TENM3: variants seen among roughly 807,000 people sequenced by gnomAD.
TENM3 encodes the protein teneurin-3.
A neutral mutation model predicts 255.1 loss-of-function variants in TENM3; 63 were observed. The observed-to-expected ratio is 0.25, with a 90% CI of 0.20 to 0.30. The LOEUF (loss-of-function observed/expected upper bound fraction) is 0.30. TENM3 is among the 10% of genes least tolerant of loss of function. The pLI, the probability that TENM3 is intolerant of heterozygous loss-of-function variation, is 1.00. For missense variants in TENM3, 2,929 were observed against 3,461.1 expected (o/e 0.85, Z 3.86); for synonymous variants, 1,306 against 1,322.3 (o/e 0.99, Z 0.27).
intron 13 of TENM3, among the ~76,000 whole-genome samples, chr4:182,724,790 A>G (rs1760034763): frequency 6.6e-6 from 1 of 152,202 alleles, no homozygotes; most frequent in Non-Finnish European, 1.5e-5. Context: ...ATGGAGAAAA[A>G]TATAATATTT....
At chr4:181,781,350 T>C in the TENM3 span, among the ~76,000 whole-genome samples, 1 of 152,166 alleles carries the variant, frequency 6.6e-6, no homozygotes, top group Non-Finnish European at 1.5e-5. Flanking sequence ...CCCTTGTAAG[T>C]TGGATTCCTA....
At chr4:181,450,859 A>G in the TENM3 span, among the ~76,000 whole-genome samples, 1 of 152,196 alleles carries the variant, frequency 6.6e-6, no homozygotes, top group Non-Finnish European at 1.5e-5. Flanking sequence ...GCTATAATTG[A>G]TCTGAATGAT....
chr4:181,985,164 A>G, the TENM3 span, among the ~76,000 whole-genome samples: 399 of 152,124 alleles, frequency 2.6e-3, no homozygotes, highest in African/African-American at 9.0e-3. Flanking sequence ...AAATTTCATG[A>G]GAAAAAGAAT....
chr4:182,731,096 T>A lies in TENM3; in HGVS notation c.2924T>A (p.Phe975Tyr). ...GTGTCATCACCTTTATCCACCTTTT[T>A]CAGATCTTCTCCTGAAGACAGTCCC... ...IIVSSPLSTF[F>Y]RSSPEDSPII... The change falls in exon 16 of 28, where the codon TTC (phenylalanine) becomes TAC (tyrosine). Residue 975 changes from phenylalanine (F) to tyrosine (Y), a missense_variant. Phe to Tyr is a conservative substitution (Grantham distance 22). Coordinates refer to ENST00000511685, the MANE Select transcript of TENM3 (RefSeq NM_001080477.4). The A allele has an allele frequency of 1.2e-6, 2 of 1,613,970 alleles. No homozygotes were observed. Among genetic ancestry groups the A allele is most frequent in the Non-Finnish European group, 1.7e-6 (2 of 1,179,866 alleles).
intron 18 of TENM3, among the ~76,000 whole-genome samples, chr4:182,740,347 T>A (rs1033365611): frequency 6.6e-6 from 1 of 152,214 alleles, no homozygotes; most frequent in Non-Finnish European, 1.5e-5. Context: ...ATCAGTGGTG[T>A]CTGAAGCAGT....
At chr4:182,106,355 G>T in the TENM3 span, among the ~76,000 whole-genome samples, 27,910 of 152,156 alleles carry the variant, frequency 0.18, 2,631 homozygotes, top group Non-Finnish European at 0.21. Flanking sequence ...TAGCTATTCA[G>T]GAGGCTGAGG....
chr4:181,714,850 T>C, the TENM3 span, among the ~76,000 whole-genome samples: 3 of 152,210 alleles, frequency 2.0e-5, no homozygotes, highest in African/African-American at 7.2e-5. Context: ...TAAAATATAT[T>C]TATTGCCTGT....
chr4:182,387,789 C>T (rs770908619), intron 3 of TENM3, among the ~76,000 whole-genome samples: 1 of 151,996 alleles, frequency 6.6e-6, no homozygotes, highest in Non-Finnish European at 1.5e-5. Flanking sequence ...CACATCCGAA[C>T]ATCAGAAGGG....
At chr4:182,350,643 G>A (rs751644900) in intron 3 of TENM3, among the ~76,000 whole-genome samples, 27 of 152,118 alleles carry the variant, frequency 1.8e-4, no homozygotes, top group Non-Finnish European at 2.4e-4. Context: ...GTGTGCTCTG[G>A]TTTATTGTAG....
At chr4:182,397,492 A>T (rs1768924713) in intron 3 of TENM3, among the ~76,000 whole-genome samples, 1 of 151,448 alleles carries the variant, frequency 6.6e-6, no homozygotes, top group African/African-American at 2.4e-5. Context: ...AGGAGGAGAC[A>T]GCATAATTGA....
intron 4 of TENM3, 127 bp downstream of exon 4, chr4:182,601,288 T>A: frequency 1.3e-6 from 1 of 744,706 alleles, no homozygotes; most frequent in Middle Eastern, 2.5e-4. Flanking sequence ...TTTTCTTCTC[T>A]AAGAAGCAGT....
At chr4:182,487,897 T>C (rs1413474426) in intron 3 of TENM3, among the ~76,000 whole-genome samples, 2 of 152,160 alleles carry the variant, frequency 1.3e-5, no homozygotes, top group African/African-American at 4.8e-5. Flanking sequence ...AAACAGAGCC[T>C]TTAAATGGTT....
chr4:181,790,906 C>T, the TENM3 span, among the ~76,000 whole-genome samples: 1 of 152,176 alleles, frequency 6.6e-6, no homozygotes, highest in Admixed American at 6.5e-5. Flanking sequence ...TGTGCCAGAT[C>T]CCCTACTTAG....
At position 182,679,671 on chromosome 4, in the gene TENM3, C is replaced by T. The variant is rs1561096864; in HGVS notation, c.1332C>T (p.Asp444=). 2.5e-6 allele frequency: 4 copies of T among 1,611,992 alleles called. No individual in the cohort carries two copies. The highest frequency in any genetic ancestry group is 3.4e-6 in the Non-Finnish European group (4 of 1,179,388). The change falls in exon 8 of 28, where the codon GAC becomes GAT. Residue 444 remains aspartate, a synonymous_variant. Coordinates refer to ENST00000511685, the MANE Select transcript of TENM3 (RefSeq NM_001080477.4). ...KGLPPSHTQY[D]FVELLDGSRL... ...TTTCCTCGTCCTCCCCCCAGTATGA[C>T]TTCGTGGAGCTCCTGGATGGCAGCA...
the TENM3 span, among the ~76,000 whole-genome samples, chr4:181,849,949 T>TCTCACACACACA: frequency 1.1e-4 from 7 of 65,948 alleles, no homozygotes; most frequent in African/African-American, 2.6e-4. Context: ...TCTCTCTCTC[T>TCTCACACACACA]CACACACACA....
intron 3 of TENM3, among the ~76,000 whole-genome samples, chr4:182,459,819 G>A (rs114131712): frequency 0.035 from 5,249 of 152,100 alleles, 162 homozygotes; most frequent in East Asian, 0.068. Context: ...TTCAGGAGTT[G>A]GGCATCAGAA....
chr4:181,879,572 T>C, the TENM3 span, among the ~76,000 whole-genome samples: 7 of 152,320 alleles, frequency 4.6e-5, no homozygotes, highest in East Asian at 1.4e-3. Flanking sequence ...TGGGAAAGTG[T>C]TTAATATCTA....
At chr4:182,533,000 A>C (rs1739926384) in intron 3 of TENM3, among the ~76,000 whole-genome samples, 1 of 152,176 alleles carries the variant, frequency 6.6e-6, no homozygotes, top group African/African-American at 2.4e-5. Flanking sequence ...CAAGGGTACA[A>C]GTGATTCCCC....
chr4:182,498,523 T>G (rs371405541), intron 3 of TENM3, among the ~76,000 whole-genome samples: 3 of 152,224 alleles, frequency 2.0e-5, no homozygotes, highest in East Asian at 3.9e-4. Flanking sequence ...GCTTTTTCAG[T>G]GGCTTCCTAT....
Sources: allele counts gnomAD v4.1 joint callset (sites outside exome capture counted in the v4.1 genomes callset), GRCh38; gene constraint gnomAD v4.1.1; transcripts MANE v1.5; gene names NCBI Gene and HGNC (gene_info 2026-07-23, HGNC 2026-07-21).